Variants in CROCC2 observed in about 807,000 individuals in gnomAD.
The protein encoded by CROCC2 is ciliary rootlet coiled-coil protein 2.
In CROCC2, 163 loss-of-function variants were observed where a neutral mutation model predicts 177.6. The observed-to-expected ratio is 0.92, with a 90% CI of 0.81 to 1.05. The LOEUF (loss-of-function observed/expected upper bound fraction) is 1.05. CROCC2 is among the 50% of genes least tolerant of loss of function. The pLI, the probability that CROCC2 is intolerant of heterozygous loss-of-function variation, is 0.00. For synonymous variants in CROCC2, 904 were observed against 787.3 expected, an observed-to-expected ratio of 1.15 and a Z score of -2.48; for missense variants, 1,929 against 1,797.8, an observed-to-expected ratio of 1.07 and a Z score of -1.32.
At chr2:240,943,090 C>T (rs1249088652) in intron 14 of CROCC2, among the ~76,000 whole-genome samples, 7 of 152,162 alleles carry the variant, frequency 4.6e-5, no homozygotes, top group Non-Finnish European at 1.0e-4. Flanking sequence ...TCACTGCAGC[C>T]TCGACCTTCT....
intron 5 of CROCC2, chr2:240,929,563 T>A (rs1378528921): frequency 2.3e-6 from 1 of 426,474 alleles, no homozygotes; most frequent in Admixed American, 2.5e-5. Context: ...ACTGGCCTTG[T>A]CTCGGTTGTG....
At position 240,982,996 on chromosome 2, in the gene CROCC2, GA is replaced by G. The variant is rs1367629372; in HGVS notation, c.4520del (p.Lys1507ArgfsTer17). 1.4e-5 allele frequency: 21 copies of G among 1,550,378 alleles called. No individual in the cohort carries two copies. The highest frequency in any genetic ancestry group is 2.0e-5 in the Admixed American group (1 of 50,982). ...TCACCAACTTGGAGCACAGGTGCCA[GA>G]AGGCTGAGGTATCGCTGGAGCCCCT... ...QLTNLEHRCQKAEVSLEPLRQ... is the reference protein window; with the variant it reads ...QLTNLEHRCQXAEVSLEPLRQ... On this transcript the variant is annotated frameshift_variant, in exon 28 of 32. Coordinates refer to ENST00000690015, the MANE Select transcript of CROCC2 (RefSeq NM_001351305.2). LOFTEE classifies it high-confidence loss of function. This position sits in a 1 kb window ranked among gnomAD's most constrained non-coding sequence, Gnocchi z 4.7.
At position 240,917,466 on chromosome 2, in the gene CROCC2, G is replaced by T. The variant is rs1426314342; in HGVS notation, c.79-1260G>T. 6.6e-6 allele frequency among the ~76,000 whole-genome samples: 1 copy of T among 152,162 alleles called. No homozygotes were observed. The highest frequency in any genetic ancestry group is 2.4e-5 in the African/African-American group (1 of 41,432). ...CCCAGGCCTGAGGTCAGAGTCCGGGGACGCAAGCAGGGTCTCAGGGAGGGC... is the reference window on the plus strand; with the variant it reads ...CCCAGGCCTGAGGTCAGAGTCCGGGTACGCAAGCAGGGTCTCAGGGAGGGC... On this transcript the variant is annotated intron_variant, in intron 1 of 31. Coordinates refer to ENST00000690015, the MANE Select transcript of CROCC2 (RefSeq NM_001351305.2). The surrounding 1 kb of genome is among the most constrained non-coding windows in gnomAD (Gnocchi z 4.9).
chr2:240,983,585 G>T, intron 28 of CROCC2: 2 of 1,281,734 alleles, frequency 1.6e-6, no homozygotes, highest in Non-Finnish European at 2.0e-6. Flanking sequence ...ACAGGTAGGC[G>T]GCAGCGGTGG....
At position 240,920,087 on chromosome 2, in the gene CROCC2, G is replaced by A. The variant is rs755662954; in HGVS notation, c.334G>A (p.Ala112Thr). The part of the protein sequence containing the change: ...RLGDLLAQAS[A>T]ERDELASRCR... ...GGGGGACCTGCTGGCCCAGGCCAGC[G>A]CCGAGCGAGATGAGCTGGCCAGCAG... Residue 112 changes from alanine (A) to threonine (T), a missense_variant, in exon 3 of 32, where the codon GCC (alanine) becomes ACC (threonine). Physicochemically the swap from Ala to Thr is moderately conservative, Grantham distance 58. Around this residue, in one of 3 missense-constraint regions of CROCC2, gnomAD observed 1,397 missense variants for 1,239.9 expected, o/e 1.13. Coordinates refer to ENST00000690015, the MANE Select transcript of CROCC2 (RefSeq NM_001351305.2). 163 of 712,084 alleles carry A rather than the reference G, an allele frequency of 2.3e-4. 1 individual carries two copies. The African/African-American group carries it at 2.5e-3, about 11-fold the overall frequency. The allele number at this position is 712,084 out of a possible 1,614,324, so 44.1% of individuals were successfully genotyped here. A position where few individuals can be genotyped will look rare whatever the true frequency, so the allele number is the denominator to read the frequency against.
chr2:240,963,472 C>T, intron 20 of CROCC2, 84 bp from the exon 21 acceptor site: 2 of 1,371,714 alleles, frequency 1.5e-6, no homozygotes, highest in Non-Finnish European at 9.7e-7. Flanking sequence ...GCCTGCCACA[C>T]CATGTCAGAG....
At chr2:240,930,031 T>G in intron 5 of CROCC2, 135 bp from the exon 6 acceptor site, 5 of 526,478 alleles carry the variant, frequency 9.5e-6, no homozygotes, top group Non-Finnish European at 1.1e-5. Flanking sequence ...CATTTGCCTG[T>G]GAGATATGGG....
intron 12 of CROCC2, 92 bp from the exon 13 acceptor site, chr2:240,934,824 C>T (rs781240195): frequency 7.7e-5 from 104 of 1,343,474 alleles, no homozygotes; most frequent in Admixed American, 2.8e-4. Context: ...GCTTGCACAC[C>T]TCCGTGGCTC....
chr2:240,991,404 A>C, intron 31 of CROCC2, 126 bp downstream of exon 31: 1 of 774,048 alleles, frequency 1.3e-6, no homozygotes, highest in Non-Finnish European at 2.0e-6. Flanking sequence ...GGGAAAACCA[A>C]TGCCTTGTGC....
chr2:240,929,753 A>G, intron 5 of CROCC2: 1 of 465,928 alleles, frequency 2.1e-6, no homozygotes, highest in Non-Finnish European at 4.3e-6. Context: ...TTGGAGTGGC[A>G]GGGCAGGAGC....
At position 240,918,661 on chromosome 2, in the gene CROCC2, C is replaced by T. The variant is rs745802430; in HGVS notation, c.79-65C>T. 2.8e-5 allele frequency: 15 copies of T among 531,580 alleles called. No individual in the cohort carries two copies. The highest frequency in any genetic ancestry group is 2.9e-4 in the Middle Eastern group (1 of 3,406). 32.9% of individuals were successfully genotyped at this position (531,580 alleles called of 1,614,324 possible). A position where few individuals can be genotyped will look rare whatever the true frequency, so the allele number is the denominator to read the frequency against. On this transcript the variant is annotated intron_variant, in intron 1 of 31. Coordinates refer to ENST00000690015, the MANE Select transcript of CROCC2 (RefSeq NM_001351305.2). This position sits in a 1 kb window ranked among gnomAD's most constrained non-coding sequence, Gnocchi z 6.3. ...TGTGGCGGCTCCCATTCAGTGGGAT[C>T]GTAGAGGGTGCCTGGCAGCTGTTGG...
intron 18 of CROCC2, among the ~76,000 whole-genome samples, chr2:240,951,124 C>T (rs894708318): frequency 6.6e-6 from 1 of 152,002 alleles, no homozygotes; most frequent in Admixed American, 6.6e-5. Context: ...TCCATCCTCC[C>T]ATCCACCTGT....
Position 240,930,942 on chromosome 2 carries a change from A to G in CROCC2, c.761A>G (p.Asp254Gly), listed in dbSNP as rs1244997059. The G allele has an allele frequency of 5.6e-6, 4 of 712,608 alleles. No homozygotes were observed. Among genetic ancestry groups the G allele is most frequent in the Non-Finnish European group, 1.0e-5 (4 of 382,996 alleles). 44.1% of individuals were successfully genotyped at this position (712,608 alleles called of 1,614,324 possible). A position where few individuals can be genotyped will look rare whatever the true frequency, so the allele number is the denominator to read the frequency against. ...LRVATERGLADLQADTARTAR... is the reference protein window; with the variant it reads ...LRVATERGLAGLQADTARTAR... ...CCCTTGTCTCCCAGGGGCCTCGCTG[A>G]CCTGCAGGCAGACACGGCCAGGACA... Residue 254 changes from aspartate to glycine, a missense_variant, in exon 7 of 32, where the codon GAC (aspartate) becomes GGC (glycine). Physicochemically the swap from Asp to Gly is moderately conservative, Grantham distance 94. Transcript: ENST00000690015.
At chr2:240,926,163 C>T (rs957412855) in intron 5 of CROCC2, among the ~76,000 whole-genome samples, 14 of 152,358 alleles carry the variant, frequency 9.2e-5, no homozygotes, top group African/African-American at 2.4e-4. Flanking sequence ...GTGTGGACCA[C>T]GCTCTTTGGA....
Position 240,922,496 on chromosome 2 carries a change from G to C in CROCC2, c.382-43G>C, listed in dbSNP as rs1340934504. Reference sequence around the variant, plus strand: ...AGATGCCCCAGCCCCTGCCTGGCGGGTTCAGGAGCAGCCAGACCAGGTGGG... The same window carrying C: ...AGATGCCCCAGCCCCTGCCTGGCGGCTTCAGGAGCAGCCAGACCAGGTGGG... On this transcript the variant is annotated intron_variant, in intron 3 of 31. Coordinates refer to ENST00000690015, the MANE Select transcript of CROCC2 (RefSeq NM_001351305.2). 1.6e-5 allele frequency: 11 copies of C among 672,804 alleles called. No homozygotes were observed. The East Asian group carries it at 2.8e-4, about 17-fold the overall frequency. 41.7% of individuals were successfully genotyped at this position (672,804 alleles called of 1,614,324 possible).
At chr2:240,963,390 C>T (rs2059655920) in intron 20 of CROCC2, 166 bp from the exon 21 acceptor site, 10 of 702,700 alleles carry the variant, frequency 1.4e-5, no homozygotes, top group Middle Eastern at 4.1e-4. Context: ...CTGCAGCCTC[C>T]GCAGCACTAG....
In CROCC2 at chr2:240,933,702, A is replaced by G. The variant is rs541026898; in HGVS notation, c.1496A>G (p.Glu499Gly). 599 of 1,550,266 alleles carry G rather than the reference A, an allele frequency of 3.9e-4. No individual in the cohort carries two copies. The highest frequency in any genetic ancestry group is 4.9e-4 in the Non-Finnish European group (559 of 1,146,828). ...GCTGCTCTGGAGATGGTGGTGGAGG[A>G]GCTGAAAGGGAAGGCAGATGCTGCA... ...EKAALEMVVE[E>G]LKGKADAADA... The change falls in exon 11 of 32, where the codon GAG (glutamate) becomes GGG (glycine). Residue 499 changes from glutamate to glycine, a missense_variant. Around this residue, in one of 3 missense-constraint regions of CROCC2, gnomAD observed 1,397 missense variants for 1,239.9 expected, o/e 1.13. Transcript: ENST00000690015.
At chr2:240,981,288 G>C (rs1436860473) in intron 27 of CROCC2, among the ~76,000 whole-genome samples, 1 of 152,088 alleles carries the variant, frequency 6.6e-6, no homozygotes, top group Non-Finnish European at 1.5e-5. Context: ...CAGGCTCTGG[G>C]GTAGGAGCCT....
intron 18 of CROCC2, among the ~76,000 whole-genome samples, chr2:240,951,363 C>A (rs1320635287): frequency 1.3e-5 from 2 of 152,010 alleles, no homozygotes; most frequent in Non-Finnish European, 2.9e-5. Flanking sequence ...ACCTGCCCAT[C>A]CATCCATCCA....
Sources: allele counts gnomAD v4.1 joint callset (sites outside exome capture counted in the v4.1 genomes callset), GRCh38; gene constraint gnomAD v4.1.1; regional missense constraint gnomAD v4.1.1; non-coding constraint Gnocchi (gnomAD v3.1); transcripts MANE v1.5; gene names NCBI Gene and HGNC (gene_info 2026-07-23, HGNC 2026-07-21).